AKAP5: variants seen among roughly 807,000 people sequenced by gnomAD.
AKAP5 encodes the protein A-kinase anchor protein 5.
AKAP5 carries 5 observed loss-of-function variants against 13.8 expected under a neutral mutation model. The observed-to-expected ratio is 0.36, with a 90% CI of 0.19 to 0.76. AKAP5 has a LOEUF of 0.76. Ranked by LOEUF, AKAP5 falls within the 30% of genes least tolerant of loss-of-function variation. AKAP5 has a pLI of 0.51. For synonymous variants in AKAP5, 148 were observed against 167.2 expected (o/e 0.89, Z 0.89); for missense variants, 406 against 484.4 (o/e 0.84, Z 1.52).
rs550433860 is a variant in AKAP5, at chr14:64,473,897, A to G, written c.*4219A>G. 2.5e-4 allele frequency: 41 copies of G among 166,882 alleles called. No individual in the cohort carries two copies. The highest frequency in any genetic ancestry group is 5.3e-4 in the Non-Finnish European group (36 of 68,110). The allele number at this position is 166,882 out of a possible 1,614,324, so 10.3% of individuals were successfully genotyped here. On this transcript the variant is annotated 3_prime_UTR_variant, in exon 2 of 2. Coordinates refer to ENST00000394718, the MANE Select transcript of AKAP5 (RefSeq NM_004857.3). ...AAAATTTCAATCCATGGTATATTTTATGGTACATTTTGAAAAGAAAATTTG... is the reference window on the plus strand; with the variant it reads ...AAAATTTCAATCCATGGTATATTTTGTGGTACATTTTGAAAAGAAAATTTG...
At position 64,474,166 on chromosome 14, in the gene AKAP5, A is replaced by G. The variant is rs1339450126; in HGVS notation, c.*4488A>G. 6.0e-6 allele frequency: 1 copy of G among 167,110 alleles called. No individual in the cohort carries two copies. The highest frequency in any genetic ancestry group is 1.5e-5 in the Non-Finnish European group (1 of 68,126). 10.4% of individuals were successfully genotyped at this position (167,110 alleles called of 1,614,324 possible). The stretch of plus-strand genomic sequence containing the variant: ...ATGAGTGGCACAGAGGGGAGTACAC[A>G]GAGAGAGCAATTAATTTGGTGTGGG... On this transcript the variant is annotated 3_prime_UTR_variant, in exon 2 of 2. Transcript: ENST00000394718.
At chr14:64,465,947 G>A (rs2078608729) in intron 1 of AKAP5, among the ~76,000 whole-genome samples, 1 of 152,152 alleles carries the variant, frequency 6.6e-6, no homozygotes, top group South Asian at 2.1e-4. Flanking sequence ...CTGAAGCTGG[G>A]TTATCTGTTC....
rs1447017939 is a variant in AKAP5 at position 64,472,486 on chromosome 14, C to T, written c.*2808C>T. On this transcript the variant is annotated 3_prime_UTR_variant, in exon 2 of 2. Coordinates refer to ENST00000394718, the MANE Select transcript of AKAP5 (RefSeq NM_004857.3). ...AATTTTATCTAATACTAGGTTTTTA[C>T]TTTTTTCACTGTGGTTTGATATATA... 6.0e-6 allele frequency: 1 copy of T among 166,698 alleles called. No individual in the cohort carries two copies. The highest frequency in any genetic ancestry group is 1.5e-5 in the Non-Finnish European group (1 of 68,062). The allele number at this position is 166,698 out of a possible 1,614,324, so 10.3% of individuals were successfully genotyped here. A position where few individuals can be genotyped will look rare whatever the true frequency, so the allele number is the denominator to read the frequency against.
At chr14:64,467,643 T>C (rs1015909533) in intron 1 of AKAP5, 3 of 151,992 alleles carry the variant, frequency 2.0e-5, no homozygotes, top group Non-Finnish European at 2.9e-5. Context: ...TATGACCTTA[T>C]CTAGTTGCAT....
Position 64,470,589 on chromosome 14 carries a change from C to CAA in AKAP5, c.*931_*932dup, listed in dbSNP as rs35363924. The CAA allele has an allele frequency of 1.1e-3, 53 of 49,874 alleles. 3 individuals carry two copies. The highest frequency in any genetic ancestry group is 1.2e-3 in the African/African-American group (20 of 16,402). 3.1% of individuals were successfully genotyped at this position (49,874 alleles called of 1,614,324 possible). A position where few individuals can be genotyped will look rare whatever the true frequency, so the allele number is the denominator to read the frequency against. ...TGGGCAACAGAGCGAGACTCCTTCT[C>CAA]AAAAAAAAAAAAAAAAAAAAAGAGA... On this transcript the variant is annotated 3_prime_UTR_variant, in exon 2 of 2. Transcript: ENST00000394718.
In AKAP5 at chr14:64,472,250, G is replaced by T. The variant is rs953502046; in HGVS notation, c.*2572G>T. ...GAACCATTTTAAAAACCTGACTAAG[G>T]TTGGTGCATTTTACAGTGTATTGAA... On this transcript the variant is annotated 3_prime_UTR_variant, in exon 2 of 2. Transcript: ENST00000394718. The T allele has an allele frequency of 1.2e-5, 2 of 167,072 alleles. No individual in the cohort carries two copies. The allele number at this position is 167,072 out of a possible 1,614,324, so 10.3% of individuals were successfully genotyped here.
intron 1 of AKAP5, 162 bp from the exon 2 acceptor site, chr14:64,467,970 A>C (rs1163128921): frequency 1.3e-5 from 2 of 153,942 alleles, no homozygotes; most frequent in Non-Finnish European, 2.9e-5. Context: ...TGAACTCTTT[A>C]ATAGGGCCAA....
chr14:64,469,475 C>CA lies in AKAP5; in HGVS notation c.1083dup (p.Phe362IlefsTer6). The CA allele has an allele frequency of 6.2e-7, 1 of 1,613,164 alleles. No individual in the cohort carries two copies. The highest frequency in any genetic ancestry group is 8.5e-7 in the Non-Finnish European group (1 of 1,179,798). On this transcript the variant is annotated frameshift_variant, in exon 2 of 2. Transcript: ENST00000394718. LOFTEE classifies it high-confidence loss of function. The stretch of plus-strand genomic sequence containing the variant: ...TACAAAATCTAAAAATGTCCCTAAG[C>CA]AATTCTTAATTTCAGCTGAAAATGA...
At position 64,468,753 on chromosome 14, in the gene AKAP5, A is replaced by G. The variant is rs1221363899; in HGVS notation, c.359A>G (p.Lys120Arg). The G allele has an allele frequency of 6.2e-7, 1 of 1,614,230 alleles. No homozygotes were observed. ...NAEDADLSKKKAKSRLKIPCI... is the reference protein window; with the variant it reads ...NAEDADLSKKRAKSRLKIPCI... ...GAGGATGCTGATCTTTCTAAGAAAA[A>G]GGCAAAATCTAGACTTAAGATTCCC... The change falls in exon 2 of 2, where the codon AAG becomes AGG. Residue 120 changes from lysine to arginine, a missense_variant. Physicochemically the swap from Lys to Arg is conservative, Grantham distance 26 (BLOSUM62 2). Coordinates refer to ENST00000394718, the MANE Select transcript of AKAP5 (RefSeq NM_004857.3).
Position 64,469,225 on chromosome 14 carries a change from GGAA to G in AKAP5, c.836_838del (p.Glu279del), listed in dbSNP as rs1254904372. On this transcript the variant is annotated inframe_deletion, in exon 2 of 2. Transcript: ENST00000394718. ...CTGCAATTCCAGATCAACAAATTGT[GGAA>G]GAAGCCAGTAACAGTACCCTAGAAA... The G allele has an allele frequency of 1.2e-6, 2 of 1,613,840 alleles. No homozygotes were observed. Among genetic ancestry groups the G allele is most frequent in the Non-Finnish European group, 1.7e-6 (2 of 1,180,028 alleles).
At chr14:64,467,889 A>G (rs1393420678) in intron 1 of AKAP5, 2 of 152,328 alleles carry the variant, frequency 1.3e-5, no homozygotes, top group Non-Finnish European at 2.9e-5. Context: ...TAAAGAACTG[A>G]TAATATCAGA....
Position 64,468,660 on chromosome 14 carries a change from G to A in AKAP5, c.266G>A (p.Arg89Lys). 1 of 1,613,976 alleles carries A rather than the reference G, an allele frequency of 6.2e-7. No homozygotes were observed. Among genetic ancestry groups the A allele is most frequent in the Non-Finnish European group, 8.5e-7 (1 of 1,180,034 alleles). ...WASLKRLVTRRKRSESSKQQK... is the reference protein window; with the variant it reads ...WASLKRLVTRKKRSESSKQQK... ...TCACTCAAACGTCTTGTAACACGCA[G>A]GAAAAGGTCAGAGTCTTCAAAGCAG... Residue 89 changes from arginine to lysine, a missense_variant, in exon 2 of 2, where the codon AGG becomes AAG. Coordinates refer to ENST00000394718, the MANE Select transcript of AKAP5 (RefSeq NM_004857.3).
Position 64,471,310 on chromosome 14 carries a change from G to C in AKAP5, c.*1632G>C, listed in dbSNP as rs1566588665. The C allele has an allele frequency of 6.3e-6, 1 of 157,654 alleles. No individual in the cohort carries two copies. The highest frequency in any genetic ancestry group is 1.5e-5 in the Non-Finnish European group (1 of 68,140). The allele number at this position is 157,654 out of a possible 1,614,324, so 9.8% of individuals were successfully genotyped here. On this transcript the variant is annotated 3_prime_UTR_variant, in exon 2 of 2. Transcript: ENST00000394718. Reference sequence around the variant, plus strand: ...TGGGACTACAGGCGCCCACTACAACGCTCGGCTAATTTTTTGTATTTTTAG... The same window carrying C: ...TGGGACTACAGGCGCCCACTACAACCCTCGGCTAATTTTTTGTATTTTTAG...
chr14:64,469,716 A>C lies in AKAP5; in HGVS notation c.*38A>C. The stretch of plus-strand genomic sequence containing the variant: ...AGTCACGGCAGAAAAAACAAGCTTA[A>C]TGAAGAATTCTTTTATACATTTGTG... On this transcript the variant is annotated 3_prime_UTR_variant, in exon 2 of 2. Coordinates refer to ENST00000394718, the MANE Select transcript of AKAP5 (RefSeq NM_004857.3). 2 of 1,406,556 alleles carry C rather than the reference A, an allele frequency of 1.4e-6. No individual in the cohort carries two copies. The highest frequency in any genetic ancestry group is 1.9e-6 in the Non-Finnish European group (2 of 1,041,594). The allele number at this position is 1,406,556 out of a possible 1,614,324, so 87.1% of individuals were successfully genotyped here.
At chr14:64,466,880 C>T (rs1015258056) in intron 1 of AKAP5, among the ~76,000 whole-genome samples, 4 of 152,244 alleles carry the variant, frequency 2.6e-5, no homozygotes, top group African/African-American at 9.6e-5. Flanking sequence ...TGCCATCATA[C>T]CATTCTAAGG....
At position 64,474,084 on chromosome 14, in the gene AKAP5, CA is replaced by C. The variant is rs2078699439; in HGVS notation, c.*4407del. On this transcript the variant is annotated 3_prime_UTR_variant, in exon 2 of 2. Coordinates refer to ENST00000394718, the MANE Select transcript of AKAP5 (RefSeq NM_004857.3). The stretch of plus-strand genomic sequence containing the variant: ...CCATCCAAGAACTCAACCTAGGGAG[CA>C]GTGACAACAGAAACCGGGTTGGGTT... 1 of 167,056 alleles carries C rather than the reference CA, an allele frequency of 6.0e-6. No homozygotes were observed. The highest frequency in any genetic ancestry group is 6.5e-5 in the Admixed American group (1 of 15,278). 10.3% of individuals were successfully genotyped at this position (167,056 alleles called of 1,614,324 possible).
chr14:64,469,436 A>G lies in AKAP5; in HGVS notation c.1042A>G (p.Ser348Gly), dbSNP rs1256143275. 3.7e-6 allele frequency: 6 copies of G among 1,613,208 alleles called. No homozygotes were observed. Among genetic ancestry groups the G allele is most frequent in the Non-Finnish European group, 5.1e-6 (6 of 1,179,770 alleles). The stretch of plus-strand genomic sequence containing the variant: ...TATTATTATTACAGACACTGAAATC[A>G]GTGAATTTGATGTTACAAAATCTAA... ...IAIIITDTEISEFDVTKSKNV... is the reference protein window; with the variant it reads ...IAIIITDTEIGEFDVTKSKNV... The change falls in exon 2 of 2, where the codon AGT (serine) becomes GGT (glycine). Residue 348 changes from serine to glycine, a missense_variant. Transcript: ENST00000394718.
chr14:64,467,284 TACC>T (rs1313244761), intron 1 of AKAP5: 2 of 152,268 alleles, frequency 1.3e-5, no homozygotes, highest in Non-Finnish European at 2.9e-5. Flanking sequence ...TACGTGGTGA[TACC>T]ACCATCTTTG....
At chr14:64,467,104 T>A (rs1030794818) in intron 1 of AKAP5, 5 of 152,344 alleles carry the variant, frequency 3.3e-5, no homozygotes, top group African/African-American at 4.8e-5. Context: ...ATCAATTTTT[T>A]AATTTTTTTA....
Sources: gnomAD v4.1 joint callset for allele counts (sites outside exome capture counted in the v4.1 genomes callset) on GRCh38, gnomAD v4.1.1 for gene constraint, MANE v1.5 for transcripts, NCBI Gene and HGNC (gene_info 2026-07-23, HGNC 2026-07-21) for gene names.